The following HMSD variants were observed in gnomAD, a reference collection of about 807,000 sequenced individuals.
HMSD encodes histocompatibility minor serpin domain containing, also known as serpin-like protein HMSD.
In HMSD, 13 loss-of-function variants were observed where a neutral mutation model predicts 10.0. That is an observed-to-expected ratio of 1.31 (90% CI 0.85 to 2.08). The LOEUF (loss-of-function observed/expected upper bound fraction) is 2.08. Ranked by LOEUF, HMSD falls within the 30% of genes most tolerant of loss-of-function variation. The pLI is 0.00. For synonymous variants in HMSD, 51 were observed against 54.2 expected (o/e 0.94, Z 0.26); for missense variants, 169 against 166.3 (o/e 1.02, Z -0.09).
chr18:63,951,086 T>C (rs748295273), intron 1 of HMSD, among the ~76,000 whole-genome samples: 26 of 152,228 alleles, frequency 1.7e-4, no homozygotes, highest in Non-Finnish European at 1.5e-4. Flanking sequence ...TTGAAAGTCT[T>C]AGGAGAATCT....
At chr18:63,957,711 A>C (rs2050366434) in intron 3 of HMSD, among the ~76,000 whole-genome samples, 1 of 152,186 alleles carries the variant, frequency 6.6e-6, no homozygotes, top group Admixed American at 6.5e-5. Flanking sequence ...GACAACCAAA[A>C]TGTTAACAAC....
chr18:63,968,900 T>G (rs1481714367), intron 3 of HMSD: 1 of 152,200 alleles, frequency 6.6e-6, no homozygotes, highest in African/African-American at 2.4e-5. Context: ...AGGAGAGTTC[T>G]TGGGAACAGT....
Position 63,950,706 on chromosome 18 carries a change from G to T in HMSD, c.-103+1306G>T, listed in dbSNP as rs548155582. 2.0e-4 allele frequency among the ~76,000 whole-genome samples: 25 copies of T among 125,526 alleles called. 1 individual carries two copies. In the South Asian group the frequency reaches 5.1e-3, roughly 26 times the overall value. 82.3% of individuals were successfully genotyped at this position (125,526 alleles called of 152,430 possible). ...TATTTCATTTCAAGGAAAGGCATTTGGCAAAAAAAAGAAAAAAGCAAATTT... is the reference window on the plus strand; with the variant it reads ...TATTTCATTTCAAGGAAAGGCATTTTGCAAAAAAAAGAAAAAAGCAAATTT... On this transcript the variant is annotated intron_variant, in intron 1 of 3. Transcript: ENST00000408945.
chr18:63,955,564 G>C (rs1334782705), intron 3 of HMSD, among the ~76,000 whole-genome samples: 1 of 152,126 alleles, frequency 6.6e-6, no homozygotes, highest in Admixed American at 6.5e-5. Context: ...TCTGCAGGGG[G>C]TATTTATAGG....
rs2050385600 is a variant in HMSD, at chr18:63,961,331, A to G, written c.*976A>G. On this transcript the variant is annotated 3_prime_UTR_variant, in exon 4 of 4. Coordinates refer to ENST00000408945, the MANE Select transcript of HMSD (RefSeq NM_001123366.2). The stretch of plus-strand genomic sequence containing the variant: ...ACTTTAGCCATGTAAATCATAAAAC[A>G]TAGAGATAACAATATGCATATTGTT... The G allele has an allele frequency of 6.6e-6, 1 of 152,234 alleles. No homozygotes were observed. Among genetic ancestry groups the G allele is most frequent in the South Asian group, 2.1e-4 (1 of 4,834 alleles). The allele number at this position is 152,234 out of a possible 1,614,324, so 9.4% of individuals were successfully genotyped here.
downstream of HMSD, chr18:63,961,889 G>C (rs975692526): frequency 2.0e-5 from 3 of 152,164 alleles, no homozygotes; most frequent in African/African-American, 7.2e-5. Flanking sequence ...TTTAATGGGG[G>C]AGATCCCTCC....
downstream of HMSD, among the ~76,000 whole-genome samples, chr18:63,962,102 GAT>G (rs2050389485): frequency 6.6e-6 from 1 of 152,216 alleles, no homozygotes; most frequent in African/African-American, 2.4e-5. Flanking sequence ...GACCTCCTCA[GAT>G]ATGTTTACTG....
In HMSD at chr18:63,961,100, C is replaced by CCT. The variant is rs2050383999; in HGVS notation, c.*748_*749dup. 6.6e-6 allele frequency: 1 copy of CCT among 152,248 alleles called. No individual in the cohort carries two copies. Among genetic ancestry groups the CCT allele is most frequent in the Non-Finnish European group, 1.5e-5 (1 of 68,120 alleles). The allele number at this position is 152,248 out of a possible 1,614,324, so 9.4% of individuals were successfully genotyped here. ...ACCCTCTTCTTCAGGGAAACACACACCTCTTTGCACTGCCTTGTGGATAGT... is the reference window on the plus strand; with the variant it reads ...ACCCTCTTCTTCAGGGAAACACACACCTCTCTTTGCACTGCCTTGTGGATAGT... On this transcript the variant is annotated 3_prime_UTR_variant, in exon 4 of 4. Transcript: ENST00000408945.
Position 63,953,424 on chromosome 18 carries a change from G to A in HMSD, c.-32G>A. The A allele has an allele frequency of 1.3e-6, 2 of 1,587,108 alleles. No homozygotes were observed. Among genetic ancestry groups the A allele is most frequent in the Middle Eastern group, 1.7e-4 (1 of 6,034 alleles). Reference sequence around the variant, plus strand: ...ATTAAACCTTTTGAAAAAGCTAGGGGAAAACAACTCAAACAACTTATTTTT... The same window carrying A: ...ATTAAACCTTTTGAAAAAGCTAGGGAAAAACAACTCAAACAACTTATTTTT... On this transcript the variant is annotated 5_prime_UTR_variant, in exon 2 of 4. Transcript: ENST00000408945.
rs2050378858 is a variant in HMSD at position 63,960,201 on chromosome 18, A to G, written c.266A>G (p.Lys89Arg). ...GGCAAATTCTACCAAGCAACGATAA[A>G]ACAGCTAGACTTTGTGAATGATACA... is the stretch of plus-strand genomic sequence containing the variant. ...SCGKFYQATI[K>R]QLDFVNDTEK... is the part of the protein sequence containing the mutation. Residue 89 changes from lysine to arginine, a missense_variant, in exon 4 of 4, where the codon AAA (lysine) becomes AGA (arginine). Coordinates refer to ENST00000408945, the MANE Select transcript of HMSD (RefSeq NM_001123366.2). The G allele has an allele frequency of 6.2e-7, 1 of 1,612,738 alleles. No homozygotes were observed. Among genetic ancestry groups the G allele is most frequent in the African/African-American group, 1.3e-5 (1 of 74,884 alleles).
chr18:63,960,932 G>A lies in HMSD; in HGVS notation c.*577G>A, dbSNP rs2050383123. Reference sequence around the variant, plus strand: ...AAGAGGGAGTATCAGAGGTTGCCGGGTTTGCTACTCTCATTCCTCTTCCTC... The same window carrying A: ...AAGAGGGAGTATCAGAGGTTGCCGGATTTGCTACTCTCATTCCTCTTCCTC... On this transcript the variant is annotated 3_prime_UTR_variant, in exon 4 of 4. Transcript: ENST00000408945. 1 of 152,494 alleles carries A rather than the reference G, an allele frequency of 6.6e-6. No homozygotes were observed. Among genetic ancestry groups the A allele is most frequent in the African/African-American group, 2.4e-5 (1 of 41,444 alleles). 9.4% of individuals were successfully genotyped at this position (152,494 alleles called of 1,614,324 possible). A position where few individuals can be genotyped will look rare whatever the true frequency, so the allele number is the denominator to read the frequency against.
Position 63,960,435 on chromosome 18 carries a change from T to C in HMSD, c.*80T>C. 6.7e-7 allele frequency: 1 copy of C among 1,487,758 alleles called. No individual in the cohort carries two copies. The highest frequency in any genetic ancestry group is 2.5e-5 in the East Asian group (1 of 39,762). 92.2% of individuals were successfully genotyped at this position (1,487,758 alleles called of 1,614,324 possible). A position where few individuals can be genotyped will look rare whatever the true frequency, so the allele number is the denominator to read the frequency against. ...AAATATTGCCAACTCGTAGACCTTT[T>C]CTCTAGCTTTAGCTTTTCCCTTATC... On this transcript the variant is annotated 3_prime_UTR_variant, in exon 4 of 4. Transcript: ENST00000408945.
intron 3 of HMSD, among the ~76,000 whole-genome samples, chr18:63,957,101 T>A (rs2050362555): frequency 1.3e-5 from 2 of 152,224 alleles, no homozygotes; most frequent in South Asian, 4.1e-4. Context: ...AGGGTGAGGA[T>A]TGAACAACTA....
rs8089648 is a variant in HMSD, at chr18:63,954,571, G to C, written c.222+14G>C. 0.048 allele frequency: 76,840 copies of C among 1,598,966 alleles called. 2,125 individuals carry two copies. Among genetic ancestry groups the C allele is most frequent in the African/African-American group, 0.064 (4,755 of 74,522 alleles). On this transcript the variant is annotated intron_variant, in intron 3 of 3. Coordinates refer to ENST00000408945, the MANE Select transcript of HMSD (RefSeq NM_001123366.2). ...GATTTCCTCACAGTAAGTCATACTTGTTTATTAGGAAAATAAAGATAGCAA... is the reference window on the plus strand; with the variant it reads ...GATTTCCTCACAGTAAGTCATACTTCTTTATTAGGAAAATAAAGATAGCAA...
downstream of HMSD, among the ~76,000 whole-genome samples, chr18:63,964,299 C>A (rs1291400400): frequency 2.0e-5 from 3 of 152,182 alleles, no homozygotes; most frequent in East Asian, 5.8e-4. Flanking sequence ...GTGGGCAGAT[C>A]ACCGGAGGTC....
At chr18:63,949,906 A>T (rs555421938) in intron 1 of HMSD, among the ~76,000 whole-genome samples, 1 of 150,692 alleles carries the variant, frequency 6.6e-6, no homozygotes, top group Non-Finnish European at 1.5e-5. Context: ...AGAGGCGTTG[A>T]TAGTATGTTT....
At chr18:63,968,717 G>A (rs1287619394) in intron 3 of HMSD, 1 of 152,236 alleles carries the variant, frequency 6.6e-6, no homozygotes, top group Non-Finnish European at 1.5e-5. Flanking sequence ...TCTGGATCTA[G>A]TTCTGACCAA....
At chr18:63,950,118 A>G (rs1022614828) in intron 1 of HMSD, among the ~76,000 whole-genome samples, 5 of 152,112 alleles carry the variant, frequency 3.3e-5, no homozygotes, top group Non-Finnish European at 7.4e-5. Context: ...GTAAATTCAG[A>G]TAAAACAAGT....
At chr18:63,954,973 A>G (rs2050350676) in intron 3 of HMSD, among the ~76,000 whole-genome samples, 2 of 152,260 alleles carry the variant, frequency 1.3e-5, no homozygotes, top group Admixed American at 6.5e-5. Context: ...GGCTAATTAC[A>G]CTGGTTGCAT....
Sources: gnomAD v4.1 joint callset for allele counts (sites outside exome capture counted in the v4.1 genomes callset) on GRCh38, gnomAD v4.1.1 for gene constraint, MANE v1.5 for transcripts, NCBI Gene and HGNC (gene_info 2026-07-23, HGNC 2026-07-21) for gene names.